Variants in ABCB11 observed in about 807,000 individuals in gnomAD.
ABCB11 encodes ATP binding cassette subfamily B member 11.
ABCB11 carries 95 observed loss-of-function variants against 148.0 expected under a neutral mutation model. The observed-to-expected ratio is 0.64, with a 90% CI of 0.54 to 0.76. The LOEUF is 0.76. Among genes scored for constraint, ABCB11 ranks in the 30% least tolerant of loss-of-function variants. The pLI is 0.00. For synonymous variants in ABCB11, 591 were observed against 555.4 expected, an observed-to-expected ratio of 1.06 and a Z score of -0.90; for missense variants, 1,523 against 1,617.8, an observed-to-expected ratio of 0.94 and a Z score of 1.01.
At chr2:168,981,120 T>C (rs867601330) in intron 10 of ABCB11, among the ~76,000 whole-genome samples, 6 of 152,190 alleles carry the variant, frequency 3.9e-5, no homozygotes, top group Admixed American at 2.6e-4. Context: ...TTGTATCACA[T>C]TGAGGCAAAT....
intron 17 of ABCB11, among the ~76,000 whole-genome samples, chr2:168,965,490 A>G (rs989834790): frequency 2.6e-5 from 4 of 151,886 alleles, no homozygotes; most frequent in Admixed American, 2.0e-4. Context: ...TAGCTTGGAC[A>G]TATCACTGAA....
Position 168,954,935 on chromosome 2 carries a change from A to T in ABCB11, c.2343+3029T>A, listed in dbSNP as rs113268033. ...CCTAGACATCTCAAAGGCTTTGTTC[A>T]TTCTTTTTATTCTTTTTTCCTTATT... is the stretch of plus-strand genomic sequence containing the variant. On this transcript the variant is annotated intron_variant, in intron 19 of 27. Coordinates refer to ENST00000650372, the MANE Select transcript of ABCB11 (RefSeq NM_003742.4). 1.3e-3 allele frequency among the ~76,000 whole-genome samples: 193 copies of T among 151,724 alleles called. 4 individuals are homozygous for T. Among genetic ancestry groups the T allele is most frequent in the African/African-American group, 4.4e-3 (184 of 41,482 alleles).
intron 25 of ABCB11, among the ~76,000 whole-genome samples, chr2:168,930,304 T>C (rs2105887789): frequency 1.3e-5 from 2 of 152,328 alleles, no homozygotes; most frequent in South Asian, 4.1e-4. Flanking sequence ...TTATTTCCCT[T>C]ATCACTCTAC....
rs79490868 is a variant in ABCB11, at chr2:168,957,533, G to A, written c.2343+431C>T. On this transcript the variant is annotated intron_variant, in intron 19 of 27. Coordinates refer to ENST00000650372, the MANE Select transcript of ABCB11 (RefSeq NM_003742.4). ...CATTACTATTTCAATAGTGCAATCC[G>A]TGGAGAATTATACATCAAACACTAA... Among the ~76,000 whole-genome samples, 415 of 151,670 alleles carry A rather than the reference G, an allele frequency of 2.7e-3. 1 individual carries two copies. The highest frequency in any genetic ancestry group is 9.5e-3 in the African/African-American group (395 of 41,456).
chr2:169,027,596 A>G (rs1357122738), intron 1 of ABCB11, among the ~76,000 whole-genome samples: 1 of 152,242 alleles, frequency 6.6e-6, no homozygotes, highest in Non-Finnish European at 1.5e-5. Context: ...AAGAGAGACC[A>G]TCAGCTAGAT....
chr2:168,931,340 T>C (rs1235134714), intron 24 of ABCB11, among the ~76,000 whole-genome samples: 1 of 152,174 alleles, frequency 6.6e-6, no homozygotes, highest in African/African-American at 2.4e-5. Flanking sequence ...ACTTATAAAA[T>C]CTAGAAATGG....
At chr2:168,919,162 AATCT>A (rs1691004754), downstream of ABCB11, among the ~76,000 whole-genome samples, 1 of 132,724 alleles carries the variant, frequency 7.5e-6, no homozygotes, top group Non-Finnish European at 1.6e-5. Context: ...TTCCTTTCAT[AATCT>A]ATCTATAATT....
intron 8 of ABCB11, among the ~76,000 whole-genome samples, chr2:168,991,680 T>C (rs1029874391): frequency 6.6e-6 from 1 of 152,030 alleles, no homozygotes; most frequent in African/African-American, 2.4e-5. Context: ...TTTCCAAACT[T>C]TTAGCAGCAA....
chr2:168,943,480 G>A (rs1692161812), intron 21 of ABCB11, among the ~76,000 whole-genome samples: 1 of 152,008 alleles, frequency 6.6e-6, no homozygotes, highest in Admixed American at 6.6e-5. Context: ...CAGTAGATGA[G>A]AATGAAGTAT....
At chr2:168,932,190 G>A (rs1465058706) in intron 24 of ABCB11, among the ~76,000 whole-genome samples, 187 bp downstream of exon 24, 1 of 152,014 alleles carries the variant, frequency 6.6e-6, no homozygotes, top group Non-Finnish European at 1.5e-5. Context: ...CCCGGTGTGT[G>A]ATGTTCCCCA....
Position 169,028,486 on chromosome 2 carries a change from G to C in ABCB11, c.-28+2739C>G, listed in dbSNP as rs538943040. ...GAGAGGGAAGAGCAGTCCAGGCAGG[G>C]AAGGACACATGCAAAGGCCCAGATG... On this transcript the variant is annotated intron_variant, in intron 1 of 27. Coordinates refer to ENST00000650372, the MANE Select transcript of ABCB11 (RefSeq NM_003742.4). Among the ~76,000 whole-genome samples the C allele has an allele frequency of 4.6e-5, 7 of 152,226 alleles. No individual in the cohort carries two copies. The East Asian group carries it at 1.4e-3, about 29-fold the overall frequency.
At chr2:168,978,636 T>G (rs1436393015) in intron 11 of ABCB11, among the ~76,000 whole-genome samples, 2 of 149,994 alleles carry the variant, frequency 1.3e-5, no homozygotes, top group African/African-American at 4.9e-5. Context: ...TTCCAGGGCT[T>G]GCTTTGGACT....
chr2:168,919,772 T>C (rs1170366815), downstream of ABCB11, among the ~76,000 whole-genome samples: 2 of 152,220 alleles, frequency 1.3e-5, no homozygotes, highest in African/African-American at 4.8e-5. Context: ...CCTTAGAATT[T>C]TGAAGGCAAA....
At chr2:168,924,613 G>A in intron 27 of ABCB11, 44 bp downstream of exon 27, 1 of 1,582,348 alleles carries the variant, frequency 6.3e-7, no homozygotes, top group Non-Finnish European at 8.6e-7. Flanking sequence ...TACAGCAAAA[G>A]ACTTATTTGT....
chr2:168,988,742 G>C (rs1484805836), intron 9 of ABCB11, among the ~76,000 whole-genome samples: 3 of 152,072 alleles, frequency 2.0e-5, no homozygotes, highest in Non-Finnish European at 4.4e-5. Flanking sequence ...CCGTGTAACA[G>C]TGTTTCATTT....
At chr2:168,945,571 G>A (rs1481740988) in intron 19 of ABCB11, among the ~76,000 whole-genome samples, 4 of 150,424 alleles carry the variant, frequency 2.7e-5, no homozygotes, top group Non-Finnish European at 5.9e-5. Flanking sequence ...AGGAAGGAGG[G>A]ACAGAAGAAG....
intron 19 of ABCB11, among the ~76,000 whole-genome samples, chr2:168,945,513 A>T (rs1692267178): frequency 6.6e-6 from 1 of 151,810 alleles, no homozygotes; most frequent in Non-Finnish European, 1.5e-5. Flanking sequence ...AATGATTAAA[A>T]CATTTAAGTA....
chr2:169,025,587 T>C (rs1695672089), intron 1 of ABCB11, among the ~76,000 whole-genome samples: 1 of 152,222 alleles, frequency 6.6e-6, no homozygotes, highest in African/African-American at 2.4e-5. Flanking sequence ...CACTAACCTA[T>C]TCTCTTTACT....
rs1574453019 is a variant in ABCB11 at position 168,973,340 on chromosome 2, T to C, written c.1434+375A>G. Among the ~76,000 whole-genome samples, 11 of 152,190 alleles carry C rather than the reference T, an allele frequency of 7.2e-5. No homozygotes were observed. The South Asian group carries it at 2.3e-3, about 32-fold the overall frequency. On this transcript the variant is annotated intron_variant, in intron 13 of 27. Transcript: ENST00000650372. ...CAAATGTCCTAGCACCATTACTAAA[T>C]ATCAATCATTTCTCTTAACTTGATC...
Sources: gnomAD v4.1 joint callset for allele counts (sites outside exome capture counted in the v4.1 genomes callset) on GRCh38, gnomAD v4.1.1 for gene constraint, MANE v1.5 for transcripts, NCBI Gene and HGNC (gene_info 2026-07-23, HGNC 2026-07-21) for gene names.